EPHB1: variants seen among roughly 807,000 people sequenced by gnomAD.
EPHB1 encodes ephrin type-B receptor 1.
EPHB1 carries 30 observed loss-of-function variants against 94.4 expected under a neutral mutation model. That is an observed-to-expected ratio of 0.32 (90% CI 0.24 to 0.43). EPHB1 has a LOEUF of 0.43. Among genes scored for constraint, EPHB1 ranks in the 20% least tolerant of loss-of-function variants. The pLI is 1.00. For synonymous variants in EPHB1, 522 were observed against 489.1 expected (o/e 1.07, Z -0.89); for missense variants, 1,055 against 1,308.3 (o/e 0.81, Z 2.99).
At chr3:135,006,892 G>A (rs1442188881) in intron 3 of EPHB1, among the ~76,000 whole-genome samples, 1 of 152,042 alleles carries the variant, frequency 6.6e-6, no homozygotes, top group Non-Finnish European at 1.5e-5. Context: ...CCATTAGCTA[G>A]TATCAAATAT....
chr3:135,209,421 C>G (rs1293176468), intron 12 of EPHB1, among the ~76,000 whole-genome samples: 1 of 152,182 alleles, frequency 6.6e-6, no homozygotes, highest in African/African-American at 2.4e-5. Context: ...AATAATAGGA[C>G]AGGTAAATAT....
chr3:134,918,657 C>A (rs2038618239), intron 1 of EPHB1, among the ~76,000 whole-genome samples: 1 of 152,174 alleles, frequency 6.6e-6, no homozygotes, highest in African/African-American at 2.4e-5. Flanking sequence ...CACAGTTCTG[C>A]TTCCTGCTTT....
rs1256844091 is a variant in EPHB1 at position 135,053,027 on chromosome 3, G to GTGTATATATATA, written c.806-53420_806-53419insGTATATATATAT. On this transcript the variant is annotated intron_variant, in intron 3 of 15. Coordinates refer to ENST00000398015, the MANE Select transcript of EPHB1 (RefSeq NM_004441.5). ...TGTGTATATATATGTGTGTGTGTGT[G>GTGTATATATATA]TATATATATATATATATATATATAT... 6.3e-5 allele frequency among the ~76,000 whole-genome samples: 7 copies of GTGTATATATATA among 110,464 alleles called. No individual in the cohort carries two copies. In the East Asian group the frequency reaches 7.8e-4, roughly 12 times the overall value. The allele number at this position is 110,464 out of a possible 152,430, so 72.5% of individuals were successfully genotyped here.
chr3:135,003,265 G>A (rs1252329475), intron 3 of EPHB1, among the ~76,000 whole-genome samples: 4 of 151,570 alleles, frequency 2.6e-5, no homozygotes, highest in Admixed American at 6.6e-5. Context: ...GTAGGTGAGC[G>A]GTTTTGAGTG....
intron 12 of EPHB1, among the ~76,000 whole-genome samples, chr3:135,240,081 AC>A (rs1943745198): frequency 1.3e-5 from 2 of 151,890 alleles, no homozygotes; most frequent in Admixed American, 1.3e-4. Context: ...GCCTTCCCTG[AC>A]CCTTCCCTGT....
rs559831999 is a variant in EPHB1 at position 134,983,665 on chromosome 3, G to A, written c.805+31613G>A. 4.6e-5 allele frequency among the ~76,000 whole-genome samples: 7 copies of A among 152,338 alleles called. No individual in the cohort carries two copies. In the South Asian group the frequency reaches 6.2e-4, roughly 14 times the overall value. ...CACCATGCTGCCTGTGCAAAGCAGAGGACTAGCTGTGTTCTTGGACCTCCA... is the reference window on the plus strand; with the variant it reads ...CACCATGCTGCCTGTGCAAAGCAGAAGACTAGCTGTGTTCTTGGACCTCCA... On this transcript the variant is annotated intron_variant, in intron 3 of 15. Coordinates refer to ENST00000398015, the MANE Select transcript of EPHB1 (RefSeq NM_004441.5).
chr3:134,882,823 TTTTC>T (rs1233076280), intron 1 of EPHB1, among the ~76,000 whole-genome samples: 5 of 26,828 alleles, frequency 1.9e-4, no homozygotes, highest in Non-Finnish European at 2.5e-4. Context: ...TCTTTCTTTC[TTTTC>T]TTTCTTTCTT....
intron 12 of EPHB1, among the ~76,000 whole-genome samples, chr3:135,217,021 C>T (rs1943164078): frequency 6.6e-6 from 1 of 152,018 alleles, no homozygotes; most frequent in South Asian, 2.1e-4. Flanking sequence ...AGGGAACTTG[C>T]TAGGGTGTCT....
At chr3:135,082,848 A>G (rs1938210812) in intron 3 of EPHB1, among the ~76,000 whole-genome samples, 1 of 152,224 alleles carries the variant, frequency 6.6e-6, no homozygotes, top group Admixed American at 6.5e-5. Context: ...AGGCTGATTC[A>G]TAGAGTACTG....
intron 1 of EPHB1, among the ~76,000 whole-genome samples, chr3:134,870,445 A>G (rs1057023333): frequency 2.6e-5 from 4 of 152,240 alleles, no homozygotes; most frequent in African/African-American, 9.6e-5. Context: ...CCCAGTTCAC[A>G]AAGGGGAGTT....
At chr3:134,898,680 T>G (rs1364130093) in intron 1 of EPHB1, among the ~76,000 whole-genome samples, 2 of 152,194 alleles carry the variant, frequency 1.3e-5, no homozygotes, top group African/African-American at 4.8e-5. Context: ...TGTTTGCTTA[T>G]GGAGGAAACA....
chr3:135,203,483 G>A (rs1942812355), intron 12 of EPHB1, among the ~76,000 whole-genome samples: 1 of 151,998 alleles, frequency 6.6e-6, no homozygotes, highest in Admixed American at 6.6e-5. Flanking sequence ...TTCTCAAACG[G>A]CCATCTAGTA....
chr3:135,074,695 G>A (rs1056292429), intron 3 of EPHB1, among the ~76,000 whole-genome samples: 4 of 152,184 alleles, frequency 2.6e-5, no homozygotes, highest in African/African-American at 9.7e-5. Flanking sequence ...CTGTGGCTTT[G>A]GGCCATCCCC....
intron 12 of EPHB1, among the ~76,000 whole-genome samples, chr3:135,239,797 C>A (rs1011903023): frequency 2.0e-5 from 3 of 152,200 alleles, no homozygotes; most frequent in African/African-American, 7.2e-5. Context: ...TCTCTCTTAT[C>A]CCTGGCCGTT....
At chr3:134,993,512 C>T (rs1303897444) in intron 3 of EPHB1, among the ~76,000 whole-genome samples, 1 of 152,142 alleles carries the variant, frequency 6.6e-6, no homozygotes, top group African/African-American at 2.4e-5. Flanking sequence ...TTCAGAACTC[C>T]ATAAAACTTC....
rs375405979 is a variant in EPHB1, at chr3:135,197,515, G to A, written c.2131-3959G>A. Among the ~76,000 whole-genome samples, 9 of 152,284 alleles carry A rather than the reference G, an allele frequency of 5.9e-5. No homozygotes were observed. The South Asian group carries it at 1.9e-3, about 32-fold the overall frequency. ...GCATTGAGCTAGATGAGCTTGAAAG[G>A]TCCCTTTCAGTTAGAAAAAATCTAT... On this transcript the variant is annotated intron_variant, in intron 11 of 15. Coordinates refer to ENST00000398015, the MANE Select transcript of EPHB1 (RefSeq NM_004441.5).
chr3:135,022,042 C>G (rs1036044177), intron 3 of EPHB1, among the ~76,000 whole-genome samples: 1 of 152,190 alleles, frequency 6.6e-6, no homozygotes, highest in Non-Finnish European at 1.5e-5. Flanking sequence ...TGCAGTGGCA[C>G]GATCTCGGCT....
At chr3:135,208,542 G>A (rs959312031) in intron 12 of EPHB1, among the ~76,000 whole-genome samples, 12 of 152,270 alleles carry the variant, frequency 7.9e-5, no homozygotes, top group African/African-American at 2.9e-4. Flanking sequence ...CTAAACAAGG[G>A]AGGCAAGCCC....
At chr3:134,905,438 C>T (rs1158517603) in intron 1 of EPHB1, among the ~76,000 whole-genome samples, 7 of 152,226 alleles carry the variant, frequency 4.6e-5, no homozygotes, top group African/African-American at 1.2e-4. Context: ...TTGTCATTCC[C>T]GGCATTACTG....
Sources: gnomAD v4.1 joint callset for allele counts (sites outside exome capture counted in the v4.1 genomes callset) on GRCh38, gnomAD v4.1.1 for gene constraint, MANE v1.5 for transcripts, NCBI Gene and HGNC (gene_info 2026-07-23, HGNC 2026-07-21) for gene names.